DIXDC1: variants seen among roughly 807,000 people sequenced by gnomAD.
DIXDC1 encodes the protein dixin.
DIXDC1 carries 64 observed loss-of-function variants against 103.1 expected under a neutral mutation model. The ratio of observed to expected loss-of-function variants is 0.62; its 90% CI spans 0.51 to 0.76. The LOEUF is 0.76. DIXDC1 is among the 30% of genes least tolerant of loss of function. DIXDC1 has a pLI of 0.00. For synonymous variants in DIXDC1, 266 were observed against 298.5 expected (o/e 0.89, Z 1.12); for missense variants, 759 against 834.2 (o/e 0.91, Z 1.11).
intron 1 of DIXDC1, among the ~76,000 whole-genome samples, chr11:111,929,502 G>A (rs778932927): frequency 2.0e-5 from 3 of 148,888 alleles, no homozygotes; most frequent in Admixed American, 6.8e-5. Flanking sequence ...AGGATCACTT[G>A]AACCCAGGAG....
At chr11:111,979,723 G>A (rs1555173039) in intron 5 of DIXDC1, among the ~76,000 whole-genome samples, 1 of 152,204 alleles carries the variant, frequency 6.6e-6, no homozygotes, top group Non-Finnish European at 1.5e-5. Flanking sequence ...TACAGAGGCT[G>A]AGGAGAGAGG....
chr11:112,010,783 C>T (rs1373938456), intron 17 of DIXDC1, among the ~76,000 whole-genome samples: 3 of 152,104 alleles, frequency 2.0e-5, no homozygotes, highest in African/African-American at 7.2e-5. Flanking sequence ...CTTCCTTACA[C>T]CTTATACAAA....
At chr11:111,934,235 G>C (rs956951779), upstream of DIXDC1, among the ~76,000 whole-genome samples, 29 of 152,168 alleles carry the variant, frequency 1.9e-4, no homozygotes, top group African/African-American at 6.5e-4. Context: ...CTAATACTAA[G>C]TGCTGAGTAC....
At chr11:111,995,327 C>A in intron 15 of DIXDC1, 76 bp from the exon 16 acceptor site, 1 of 1,568,526 alleles carries the variant, frequency 6.4e-7, no homozygotes, top group South Asian at 1.1e-5. Flanking sequence ...GGAAACTTCT[C>A]TCCTATATCC....
chr11:112,015,244 AG>A (rs1383079458), intron 17 of DIXDC1: 8 of 152,310 alleles, frequency 5.3e-5, no homozygotes, highest in Non-Finnish European at 1.2e-4. Flanking sequence ...GTGTTCAAAG[AG>A]GGGACGTTCC....
intron 7 of DIXDC1, among the ~76,000 whole-genome samples, chr11:111,984,659 A>C (rs7948552): frequency 0.026 from 3,945 of 152,288 alleles, 178 homozygotes; most frequent in African/African-American, 0.09. Context: ...TATTCCACCT[A>C]CGTATATTCT....
At position 111,937,540 on chromosome 11, in the gene DIXDC1, T is replaced by C. The variant is rs1469068634; in HGVS notation, c.41T>C (p.Leu14Pro). 1 of 1,595,386 alleles carries C rather than the reference T, an allele frequency of 6.3e-7. No homozygotes were observed. Among genetic ancestry groups the C allele is most frequent in the Non-Finnish European group, 8.5e-7 (1 of 1,171,358 alleles). Reference sequence around the variant, plus strand: ...ACCCGAGGGAACTTACTGGACGTCCTGCAGGAGGGCTTCAATGAGGTAACT... The same window carrying C: ...ACCCGAGGGAACTTACTGGACGTCCCGCAGGAGGGCTTCAATGAGGTAACT... ...CLTRGNLLDV[L>P]QEGFNEQQLQ... is the part of the protein sequence containing the mutation. The change falls in exon 1 of 20, where the codon CTG becomes CCG. Residue 14 changes from leucine to proline, a missense_variant. Around this residue, in one of 3 missense-constraint regions of DIXDC1, gnomAD observed 97 missense variants for 85.4 expected, o/e 1.14. Coordinates refer to ENST00000440460, the MANE Select transcript of DIXDC1 (RefSeq NM_001037954.4).
At chr11:111,955,416 G>T (rs1396654457) in intron 1 of DIXDC1, among the ~76,000 whole-genome samples, 1 of 151,888 alleles carries the variant, frequency 6.6e-6, no homozygotes, top group Non-Finnish European at 1.5e-5. Flanking sequence ...TCCAGAGCTG[G>T]AGCAGGGAGA....
intron 17 of DIXDC1, among the ~76,000 whole-genome samples, chr11:111,999,370 G>A (rs141471784): frequency 3.5e-4 from 54 of 152,258 alleles, no homozygotes; most frequent in African/African-American, 1.2e-3. Context: ...AATGGTGCTT[G>A]GGACAACTGG....
intron 1 of DIXDC1, among the ~76,000 whole-genome samples, chr11:111,947,227 A>G (rs1045407729): frequency 7.9e-5 from 12 of 152,026 alleles, no homozygotes; most frequent in Admixed American, 3.3e-4. Context: ...GCTTTTCCCT[A>G]TTTTACATAT....
At chr11:111,964,865 G>C (rs1171295273) in intron 2 of DIXDC1, among the ~76,000 whole-genome samples, 187 bp downstream of exon 2, 1 of 152,152 alleles carries the variant, frequency 6.6e-6, no homozygotes, top group African/African-American at 2.4e-5. Flanking sequence ...TGTGTCCCGG[G>C]CACTGTATTA....
At position 111,975,798 on chromosome 11, in the gene DIXDC1, T is replaced by C. The variant is rs888815774; in HGVS notation, c.656+815T>C. On this transcript the variant is annotated intron_variant, in intron 5 of 19. Coordinates refer to ENST00000440460, the MANE Select transcript of DIXDC1 (RefSeq NM_001037954.4). Reference sequence around the variant, plus strand: ...TTATGTGTCCTTGTTTTCTTCCTCCTATTTTTTTCTCATAAAACTCCATCC... The same window carrying C: ...TTATGTGTCCTTGTTTTCTTCCTCCCATTTTTTTCTCATAAAACTCCATCC... 5 of 985,472 alleles carry C rather than the reference T, an allele frequency of 5.1e-6. No individual in the cohort carries two copies. In the East Asian group the frequency reaches 3.4e-4, roughly 67 times the overall value. 61.0% of individuals were successfully genotyped at this position (985,472 alleles called of 1,614,324 possible).
Position 111,993,757 on chromosome 11 carries a change from G to A in DIXDC1, c.1437+17G>A, listed in dbSNP as rs782273250. 1.9e-6 allele frequency: 3 copies of A among 1,612,894 alleles called. No individual in the cohort carries two copies. In the Admixed American group the frequency reaches 5.0e-5, roughly 27 times the overall value. On this transcript the variant is annotated intron_variant, in intron 14 of 19. Coordinates refer to ENST00000440460, the MANE Select transcript of DIXDC1 (RefSeq NM_001037954.4). ...GCAGATGAGGTAACCTAGACCCCGT[G>A]TTCTCCCTCCCACATTTATGAAGCA...
chr11:111,986,153 A>G (rs1860481626), intron 8 of DIXDC1, among the ~76,000 whole-genome samples: 1 of 152,140 alleles, frequency 6.6e-6, no homozygotes, highest in Admixed American at 6.6e-5. Flanking sequence ...TCTTCCCCTA[A>G]TTAAGTTTTT....
chr11:112,002,066 T>C (rs587697683), intron 17 of DIXDC1, among the ~76,000 whole-genome samples: 1 of 152,154 alleles, frequency 6.6e-6, no homozygotes, highest in South Asian at 2.1e-4. Flanking sequence ...TTGAGATTTT[T>C]AATTATTTGC....
chr11:112,007,952 A>G (rs1555176782), intron 17 of DIXDC1, among the ~76,000 whole-genome samples: 1 of 152,178 alleles, frequency 6.6e-6, no homozygotes, highest in South Asian at 2.1e-4. Context: ...AAATTCACAC[A>G]TAACAATATT....
chr11:111,989,001 G>A lies in DIXDC1; in HGVS notation c.1063-4G>A. Reference sequence around the variant, plus strand: ...CATCTGATCTAACTATATTTGGTTTGCAGAAGGAACTGCTGAAATGTAAAC... The same window carrying A: ...CATCTGATCTAACTATATTTGGTTTACAGAAGGAACTGCTGAAATGTAAAC... On this transcript the variant is annotated splice_polypyrimidine_tract_variant and splice_region_variant and intron_variant, in intron 9 of 19. Transcript: ENST00000440460. 1 of 1,610,288 alleles carries A rather than the reference G, an allele frequency of 6.2e-7. No individual in the cohort carries two copies. The highest frequency in any genetic ancestry group is 1.1e-5 in the South Asian group (1 of 89,990).
At chr11:111,996,389 T>A (rs782742768) in intron 17 of DIXDC1, 6 of 340,204 alleles carry the variant, frequency 1.8e-5, no homozygotes, top group African/African-American at 8.6e-5. Context: ...GGCTAAAATA[T>A]CTTTGAAGAA....
upstream of DIXDC1, among the ~76,000 whole-genome samples, chr11:111,932,813 T>C (rs1441496805): frequency 6.6e-6 from 1 of 152,170 alleles, no homozygotes; most frequent in Non-Finnish European, 1.5e-5. Flanking sequence ...TAGTCTTCCT[T>C]TTACTATTCT....
Sources: allele counts gnomAD v4.1 joint callset (sites outside exome capture counted in the v4.1 genomes callset), GRCh38; gene constraint gnomAD v4.1.1; regional missense constraint gnomAD v4.1.1; transcripts MANE v1.5; gene names NCBI Gene and HGNC (gene_info 2026-07-23, HGNC 2026-07-21).